Variants in MIA2 observed in about 807,000 individuals in gnomAD.
MIA2 encodes the protein MIA SH3 domain ER export factor 2, also known as melanoma inhibitory activity protein 2.
Under a neutral mutation model 167.8 loss-of-function variants are expected in MIA2, and 127 were observed. That is an observed-to-expected ratio of 0.76 (90% CI 0.66 to 0.88). The LOEUF is 0.88. Ranked by LOEUF, MIA2 falls within the 40% of genes least tolerant of loss-of-function variation. MIA2 has a pLI of 0.00. For synonymous variants in MIA2, 552 were observed against 541.9 expected, an observed-to-expected ratio of 1.02 and a Z score of -0.26; for missense variants, 1,690 against 1,624.7, an observed-to-expected ratio of 1.04 and a Z score of -0.69.
intron 25 of MIA2, among the ~76,000 whole-genome samples, chr14:39,332,894 T>C (rs893475762): frequency 6.6e-6 from 1 of 152,168 alleles, no homozygotes; most frequent in African/African-American, 2.4e-5. Context: ...CAACAATTTC[T>C]TGTGATCTAT....
rs1364817726 is a variant in MIA2 at position 39,291,009 on chromosome 14, T to G, written c.2131-10T>G. The G allele has an allele frequency of 6.2e-7, 1 of 1,601,266 alleles. No individual in the cohort carries two copies. Among genetic ancestry groups the G allele is most frequent in the Non-Finnish European group, 8.5e-7 (1 of 1,175,130 alleles). ...GTAGAGTTTTTACTTGTGATGTTGC[T>G]TTGTTTCAGTATGAAGGCTATGAAG... On this transcript the variant is annotated splice_polypyrimidine_tract_variant and intron_variant, in intron 9 of 28. Coordinates refer to ENST00000640607, the MANE Select transcript of MIA2 (RefSeq NM_001329214.4).
At chr14:39,346,049 C>G (rs1429265747) in intron 26 of MIA2, 23 bp downstream of exon 26, 2 of 1,339,018 alleles carry the variant, frequency 1.5e-6, no homozygotes, top group Non-Finnish European at 2.0e-6. Flanking sequence ...TTGTGCTTTT[C>G]TTCTTTAAAA....
chr14:39,321,595 C>T (rs957962186), intron 24 of MIA2, among the ~76,000 whole-genome samples: 4 of 151,476 alleles, frequency 2.6e-5, no homozygotes, highest in East Asian at 3.9e-4. Context: ...GGATTACAGG[C>T]GTGAGCCACC....
intron 23 of MIA2, among the ~76,000 whole-genome samples, chr14:39,366,755 G>T (rs1475723482): frequency 6.6e-6 from 1 of 152,160 alleles, no homozygotes; most frequent in African/African-American, 2.4e-5. Flanking sequence ...CAGCTGCATT[G>T]TGGTGAGTGG....
intron 25 of MIA2, among the ~76,000 whole-genome samples, chr14:39,334,473 A>C (rs538180435): frequency 7.9e-5 from 12 of 151,264 alleles, no homozygotes; most frequent in African/African-American, 2.2e-4. Flanking sequence ...GACTCTCTCA[A>C]AAAAAAAATA....
chr14:39,362,701 ATT>A (rs1190945722), intron 23 of MIA2, among the ~76,000 whole-genome samples: 10 of 151,362 alleles, frequency 6.6e-5, no homozygotes, highest in East Asian at 3.9e-4. Flanking sequence ...TCTGATCTTT[ATT>A]ATTTATTTCC....
chr14:39,351,436 T>G (rs2074377046), downstream of MIA2: 8 of 151,418 alleles, frequency 5.3e-5, no homozygotes, highest in South Asian at 1.7e-3. Context: ...GAATGCTTGG[T>G]TAAAATATTA....
intron 19 of MIA2, 139 bp downstream of exon 19, chr14:39,313,580 A>G (rs2064755634): frequency 4.2e-6 from 2 of 480,930 alleles, no homozygotes; most frequent in Non-Finnish European, 7.4e-6. Context: ...AAAATAATAT[A>G]TTTTTGTCTC....
At position 39,287,959 on chromosome 14, in the gene MIA2, C is replaced by T. The variant is rs139062703; in HGVS notation, c.2131-3060C>T. Among the ~76,000 whole-genome samples the T allele has an allele frequency of 1.7e-3, 263 of 152,180 alleles. 1 individual carries two copies. Among genetic ancestry groups the T allele is most frequent in the Non-Finnish European group, 8.2e-4 (56 of 67,988 alleles). On this transcript the variant is annotated intron_variant, in intron 9 of 28. Coordinates refer to ENST00000640607, the MANE Select transcript of MIA2 (RefSeq NM_001329214.4). The stretch of plus-strand genomic sequence containing the variant: ...TCCTGGGGTCATGTGATTCTCCCAC[C>T]TTAGCCTCCCTAGAGTAGCTGGGAC...
chr14:39,336,971 G>C (rs1195494710), intron 25 of MIA2, among the ~76,000 whole-genome samples: 1 of 152,010 alleles, frequency 6.6e-6, no homozygotes, highest in Non-Finnish European at 1.5e-5. Flanking sequence ...ACCCAGTCTG[G>C]TGTCAAACTC....
chr14:39,332,938 C>A (rs1411266156), intron 25 of MIA2, among the ~76,000 whole-genome samples: 1 of 152,170 alleles, frequency 6.6e-6, no homozygotes, highest in Non-Finnish European at 1.5e-5. Context: ...TTGTCATCTC[C>A]ATTCTGTTAT....
chr14:39,238,811 A>AAAAAAAAACAAAACAAAAAAC lies in MIA2; in HGVS notation c.250-1750_250-1749insAAAAAAAACAAAACAAAAAAC. On this transcript the variant is annotated intron_variant, in intron 2 of 28. Transcript: ENST00000640607. The stretch of plus-strand genomic sequence containing the variant: ...CCTGTCTCAAAAAAAAAAAAAAAAA[A>AAAAAAAAACAAAACAAAAAAC]CCCAAAAAACAAAAAAACCTAGCTG... 1.4e-3 allele frequency among the ~76,000 whole-genome samples: 149 copies of AAAAAAAAACAAAACAAAAAAC among 103,606 alleles called. 2 individuals carry two copies. Among genetic ancestry groups the AAAAAAAAACAAAACAAAAAAC allele is most frequent in the South Asian group, 1.9e-3 (6 of 3,204 alleles). The allele number at this position is 103,606 out of a possible 152,430, so 68.0% of individuals were successfully genotyped here.
chr14:39,279,008 A>G (rs984432266), intron 7 of MIA2, among the ~76,000 whole-genome samples: 91 of 152,162 alleles, frequency 6.0e-4, no homozygotes, highest in Non-Finnish European at 2.9e-4. Context: ...TAAAAATATG[A>G]AAATTGGCTA....
Position 39,294,877 on chromosome 14 carries a change from A to T in MIA2, c.2392-48A>T, listed in dbSNP as rs781420354. 5.0e-6 allele frequency: 6 copies of T among 1,196,278 alleles called. No individual in the cohort carries two copies. The African/African-American group carries it at 9.1e-5, about 18-fold the overall frequency. 74.1% of individuals were successfully genotyped at this position (1,196,278 alleles called of 1,614,324 possible). A position where few individuals can be genotyped will look rare whatever the true frequency, so the allele number is the denominator to read the frequency against. On this transcript the variant is annotated intron_variant, in intron 12 of 28. Transcript: ENST00000640607. ...TAGGGAGTATGTGTAAAGATGAGCT[A>T]TGTATTAAATTAATTGTTACAAACT...
At chr14:39,274,044 T>G (rs1042378241) in intron 6 of MIA2, among the ~76,000 whole-genome samples, 1 of 152,230 alleles carries the variant, frequency 6.6e-6, no homozygotes, top group Non-Finnish European at 1.5e-5. Flanking sequence ...AATTTTAGTT[T>G]ATTCTTAGTA....
downstream of MIA2, among the ~76,000 whole-genome samples, chr14:39,353,965 T>A (rs1449002621): frequency 6.6e-6 from 1 of 152,244 alleles, no homozygotes; most frequent in Admixed American, 6.5e-5. Context: ...AGTCTATCAT[T>A]GTCGGACATT....
chr14:39,299,836 G>A, intron 13 of MIA2, 28 bp from the exon 14 acceptor site: 2 of 1,591,334 alleles, frequency 1.3e-6, no homozygotes, highest in Non-Finnish European at 1.7e-6. Flanking sequence ...TGTGTGATGA[G>A]TTGCATTTTT....
In MIA2 at chr14:39,295,141, T is replaced by A. The variant is rs2061251780; in HGVS notation, c.2496+112T>A. The A allele has an allele frequency of 5.1e-5, 38 of 741,720 alleles. No homozygotes were observed. The South Asian group carries it at 5.6e-4, about 11-fold the overall frequency. The allele number at this position is 741,720 out of a possible 1,614,324, so 45.9% of individuals were successfully genotyped here. A position where few individuals can be genotyped will look rare whatever the true frequency, so the allele number is the denominator to read the frequency against. On this transcript the variant is annotated intron_variant, in intron 13 of 28. Coordinates refer to ENST00000640607, the MANE Select transcript of MIA2 (RefSeq NM_001329214.4). ...AAGTATAGGCTTTTCCTTGAGAGCA[T>A]GAGAGCAGGACAGTCTCCCATACAT...
intron 23 of MIA2, among the ~76,000 whole-genome samples, chr14:39,362,132 C>T (rs2074695620): frequency 6.6e-6 from 1 of 152,138 alleles, no homozygotes; most frequent in Non-Finnish European, 1.5e-5. Context: ...TCATCAGAGA[C>T]ATTGGCCTAT....
Sources: gnomAD v4.1 joint callset for allele counts (sites outside exome capture counted in the v4.1 genomes callset) on GRCh38, gnomAD v4.1.1 for gene constraint, MANE v1.5 for transcripts, NCBI Gene and HGNC (gene_info 2026-07-23, HGNC 2026-07-21) for gene names.